ITPR2: variants seen among roughly 807,000 people sequenced by gnomAD.
ITPR2 encodes inositol 1,4,5-trisphosphate-gated calcium channel ITPR2.
In ITPR2, 207 loss-of-function variants were observed where a neutral mutation model predicts 317.1. The observed-to-expected ratio is 0.65, with a 90% CI of 0.58 to 0.73. The LOEUF (loss-of-function observed/expected upper bound fraction) is 0.73, where lower values mean the gene tolerates loss of function less well. ITPR2 is among the 30% of genes least tolerant of loss of function. The pLI, the probability that ITPR2 is intolerant of heterozygous loss-of-function variation, is 0.00. For synonymous variants in ITPR2, 1,156 were observed against 1,149.1 expected (o/e 1.01, Z -0.12); for missense variants, 2,613 against 3,284.0 (o/e 0.80, Z 4.99).
chr12:26,569,281 C>T (rs530141611), intron 34 of ITPR2, among the ~76,000 whole-genome samples: 43 of 151,948 alleles, frequency 2.8e-4, no homozygotes, highest in African/African-American at 1.0e-3. Context: ...ATGGTGGGCA[C>T]GGTGGTTCAT....
intron 8 of ITPR2, 127 bp downstream of exon 8, chr12:26,715,172 G>A (rs1264934306): frequency 4.6e-6 from 4 of 860,516 alleles, no homozygotes; most frequent in Non-Finnish European, 6.9e-6. Context: ...GCACAAGTTG[G>A]TTCACAAAAA....
intron 54 of ITPR2, among the ~76,000 whole-genome samples, chr12:26,390,483 G>T (rs1247394746): frequency 6.6e-6 from 1 of 152,128 alleles, no homozygotes; most frequent in Non-Finnish European, 1.5e-5. Flanking sequence ...CCTACTAAGT[G>T]AAAGAAGCTA....
intron 34 of ITPR2, among the ~76,000 whole-genome samples, chr12:26,576,945 G>A (rs1945292486): frequency 6.6e-6 from 1 of 152,132 alleles, no homozygotes; most frequent in Admixed American, 6.5e-5. Flanking sequence ...TCCTGGGAGT[G>A]GGTTTCTAAT....
intron 2 of ITPR2, among the ~76,000 whole-genome samples, chr12:26,735,349 T>C (rs946922013): frequency 4.6e-5 from 7 of 151,206 alleles, no homozygotes; most frequent in Non-Finnish European, 8.8e-5. Context: ...GCCTTCTGAA[T>C]GGAATGAAAT....
At chr12:26,550,114 A>G (rs1291797463) in intron 37 of ITPR2, 133 bp downstream of exon 37, 3 of 449,858 alleles carry the variant, frequency 6.7e-6, no homozygotes, top group Non-Finnish European at 1.2e-5. Flanking sequence ...CTCAAATTAT[A>G]TAATTCATCT....
intron 55 of ITPR2, among the ~76,000 whole-genome samples, chr12:26,378,931 G>T (rs1378725948): frequency 2.0e-5 from 3 of 152,126 alleles, no homozygotes. Context: ...CTCCTAGCCA[G>T]GTCTACTCCC....
chr12:26,511,005 A>G (rs1943332598), intron 37 of ITPR2, among the ~76,000 whole-genome samples: 1 of 152,248 alleles, frequency 6.6e-6, no homozygotes. Context: ...CTCTGCTCTA[A>G]TAACATTTTC....
intron 10 of ITPR2, among the ~76,000 whole-genome samples, chr12:26,689,261 A>T (rs1007894221): frequency 7.2e-5 from 11 of 152,126 alleles, no homozygotes; most frequent in Admixed American, 2.6e-4. Context: ...TACAAAAAAT[A>T]CAATAATTAG....
intron 13 of ITPR2, among the ~76,000 whole-genome samples, chr12:26,669,957 G>T (rs949930132): frequency 2.0e-5 from 3 of 152,256 alleles, no homozygotes; most frequent in Admixed American, 6.5e-5. Flanking sequence ...TAACGCAGCA[G>T]TCTGAGATCA....
intron 37 of ITPR2, among the ~76,000 whole-genome samples, chr12:26,536,761 C>A (rs2136971992): frequency 6.6e-6 from 1 of 152,294 alleles, no homozygotes; most frequent in South Asian, 2.1e-4. Context: ...ACTGGGGTCA[C>A]CCCTGATGAT....
At chr12:26,792,428 T>A (rs1950357526) in intron 1 of ITPR2, among the ~76,000 whole-genome samples, 1 of 151,710 alleles carries the variant, frequency 6.6e-6, no homozygotes, top group East Asian at 2.0e-4. Flanking sequence ...CTGGAACAAC[T>A]TCTACAATAT....
At chr12:26,447,845 G>C (rs1941643881) in intron 45 of ITPR2, among the ~76,000 whole-genome samples, 1 of 151,898 alleles carries the variant, frequency 6.6e-6, no homozygotes, top group Non-Finnish European at 1.5e-5. Flanking sequence ...AGTTTTTAAA[G>C]GGTTTAGTCC....
chr12:26,394,455 A>G (rs542780615), intron 54 of ITPR2, among the ~76,000 whole-genome samples: 2 of 152,312 alleles, frequency 1.3e-5, no homozygotes, highest in Admixed American at 6.5e-5. Flanking sequence ...GGAGTTCAAC[A>G]GCGTAGGAAT....
At chr12:26,507,418 A>T (rs1943218131) in intron 37 of ITPR2, among the ~76,000 whole-genome samples, 1 of 152,206 alleles carries the variant, frequency 6.6e-6, no homozygotes, top group Non-Finnish European at 1.5e-5. Flanking sequence ...GTTATTTTGG[A>T]AATCAGTTTG....
chr12:26,675,676 C>T (rs1339959338), intron 13 of ITPR2, among the ~76,000 whole-genome samples: 5 of 151,712 alleles, frequency 3.3e-5, no homozygotes, highest in African/African-American at 9.7e-5. Context: ...TGCACATGTA[C>T]CCTAAAACTT....
intron 49 of ITPR2, 56 bp from the exon 50 acceptor site, chr12:26,419,269 G>A: frequency 6.7e-7 from 1 of 1,485,602 alleles, no homozygotes; most frequent in Non-Finnish European, 9.3e-7. Flanking sequence ...AACCCACATG[G>A]ATGAAAACTA....
At chr12:26,443,296 T>A (rs1322737754) in intron 46 of ITPR2, among the ~76,000 whole-genome samples, 1 of 151,980 alleles carries the variant, frequency 6.6e-6, no homozygotes, top group Non-Finnish European at 1.5e-5. Context: ...CTTCTACAGT[T>A]AAAAAACATC....
chr12:26,791,200 C>T (rs905489539), intron 1 of ITPR2, among the ~76,000 whole-genome samples: 3 of 152,158 alleles, frequency 2.0e-5, no homozygotes, highest in Non-Finnish European at 2.9e-5. Context: ...ACATGAATCC[C>T]CTGTTCAAAG....
intron 2 of ITPR2, among the ~76,000 whole-genome samples, chr12:26,789,506 T>G (rs546564266): frequency 6.6e-6 from 1 of 152,348 alleles, no homozygotes; most frequent in Admixed American, 6.5e-5. Flanking sequence ...AAAATTATTT[T>G]TATTATTATA....
Sources: gnomAD v4.1 joint callset for allele counts (sites outside exome capture counted in the v4.1 genomes callset) on GRCh38, gnomAD v4.1.1 for gene constraint, MANE v1.5 for transcripts, NCBI Gene and HGNC (gene_info 2026-07-23, HGNC 2026-07-21) for gene names.